CLYBL: variants seen among roughly 807,000 people sequenced by gnomAD.
The protein encoded by CLYBL is citramalyl-CoA lyase.
CLYBL carries 31 observed loss-of-function variants against 38.9 expected under a neutral mutation model. The observed-to-expected ratio is 0.80, with a 90% confidence interval of 0.60 to 1.08. The LOEUF is 1.08. CLYBL is among the 50% of genes least tolerant of loss of function. The probability of loss-of-function intolerance (pLI) is 0.00; values close to 1 mark genes in which losing one functional copy is unlikely to be tolerated. For synonymous variants in CLYBL, 171 were observed against 158.6 expected (o/e 1.08, Z -0.59); for missense variants, 434 against 411.6 (o/e 1.05, Z -0.47).
At chr13:99,891,284 T>G (rs1412725331) in intron 7 of CLYBL, 34 bp from the exon 8 acceptor site, 2 of 1,458,212 alleles carry the variant, frequency 1.4e-6, no homozygotes, top group East Asian at 2.3e-5. Context: ...ATTTCGAGTA[T>G]TCTTTCAGGA....
chr13:99,653,069 T>A (rs2047278650), intron 1 of CLYBL, among the ~76,000 whole-genome samples: 1 of 151,814 alleles, frequency 6.6e-6, no homozygotes, highest in African/African-American at 2.4e-5. Flanking sequence ...CTGAGGAAAA[T>A]CACAGGAGGC....
intron 1 of CLYBL, among the ~76,000 whole-genome samples, chr13:99,725,591 T>C (rs2048459274): frequency 6.6e-6 from 1 of 152,228 alleles, no homozygotes; most frequent in Admixed American, 6.5e-5. Context: ...TGGGAAATGT[T>C]AACTGTTTTG....
chr13:99,608,847 C>CTTTTTT (rs57961216), intron 1 of CLYBL, among the ~76,000 whole-genome samples: 8 of 87,870 alleles, frequency 9.1e-5, no homozygotes, highest in African/African-American at 1.7e-4. Flanking sequence ...AGTGATGAGT[C>CTTTTTT]TTTTTTTTTT....
chr13:99,903,677 G>A (rs578172672), intron 8 of CLYBL, among the ~76,000 whole-genome samples: 13 of 152,122 alleles, frequency 8.5e-5, no homozygotes, highest in Non-Finnish European at 1.6e-4. Context: ...AAATTCGTAA[G>A]ATCTGCCCAA....
chr13:99,606,790 G>T lies in CLYBL; in HGVS notation c.62+33G>T, dbSNP rs1449003190. 1.3e-5 allele frequency: 18 copies of T among 1,362,564 alleles called. No homozygotes were observed. In the East Asian group the frequency reaches 5.3e-4, roughly 40 times the overall value. The allele number at this position is 1,362,564 out of a possible 1,614,324, so 84.4% of individuals were successfully genotyped here. On this transcript the variant is annotated intron_variant, in intron 1 of 8. Transcript: ENST00000339105. Reference sequence around the variant, plus strand: ...CAGGTCCCCGTTCCCCGCCTTCCCGGCCCGGCTCGCCGCGGGTCGGCTCCT... The same window carrying T: ...CAGGTCCCCGTTCCCCGCCTTCCCGTCCCGGCTCGCCGCGGGTCGGCTCCT...
Position 99,686,945 on chromosome 13 carries a change from G to A in CLYBL, c.62+80188G>A, listed in dbSNP as rs185931228. ...TTCCTTTAGAAAGCTTAGTAACCTCGATAATGAGAGGCTATGAAATAGTTC... is the reference window on the plus strand; with the variant it reads ...TTCCTTTAGAAAGCTTAGTAACCTCAATAATGAGAGGCTATGAAATAGTTC... On this transcript the variant is annotated intron_variant, in intron 1 of 8. Coordinates refer to ENST00000339105, the MANE Select transcript of CLYBL (RefSeq NM_206808.5). Among the ~76,000 whole-genome samples the A allele has an allele frequency of 3.6e-4, 55 of 152,300 alleles. No homozygotes were observed. The South Asian group carries it at 0.01, about 28-fold the overall frequency.
chr13:99,843,103 A>G (rs973208526), intron 2 of CLYBL, among the ~76,000 whole-genome samples: 1 of 152,220 alleles, frequency 6.6e-6, no homozygotes, highest in Non-Finnish European at 1.5e-5. Context: ...AGCCATCAGC[A>G]CAGTGAGGAC....
intron 1 of CLYBL, among the ~76,000 whole-genome samples, chr13:99,645,497 C>A (rs371941404): frequency 0.023 from 2,126 of 93,014 alleles, no homozygotes; most frequent in Middle Eastern, 0.049. Context: ...GACTCTGTCT[C>A]AAAAAAAAAA....
At chr13:99,749,254 G>T (rs1486560843) in intron 1 of CLYBL, among the ~76,000 whole-genome samples, 1 of 152,148 alleles carries the variant, frequency 6.6e-6, no homozygotes, top group Non-Finnish European at 1.5e-5. Context: ...CTCGCCCCTG[G>T]TGTCCCGATG....
intron 2 of CLYBL, among the ~76,000 whole-genome samples, chr13:99,843,728 C>T (rs1175375198): frequency 6.6e-6 from 1 of 151,924 alleles, no homozygotes. Context: ...CAGCCTCCCA[C>T]GTAGCTGAGA....
At chr13:99,772,755 T>C (rs2049422739) in intron 1 of CLYBL, 69 bp from the exon 2 acceptor site, 1 of 1,244,402 alleles carries the variant, frequency 8.0e-7, no homozygotes, top group Non-Finnish European at 1.1e-6. Context: ...TGCATTAAAA[T>C]ATAGTTTTTC....
rs139465245 is a variant in CLYBL, at chr13:99,849,846, C to A, written c.250-9015C>A. On this transcript the variant is annotated intron_variant, in intron 2 of 8. Transcript: ENST00000339105. This position sits in a 1 kb window ranked among gnomAD's most constrained non-coding sequence, Gnocchi z 4.9. The stretch of plus-strand genomic sequence containing the variant: ...CCAGTCAGGGCCAGGGCAAGGCAGC[C>A]AAGGAGGCAGACAGAAGTAAGCCCC... Among the ~76,000 whole-genome samples, 9 of 152,266 alleles carry A rather than the reference C, an allele frequency of 5.9e-5. No individual in the cohort carries two copies. Among genetic ancestry groups the A allele is most frequent in the Middle Eastern group, 3.4e-3 (1 of 294 alleles).
rs558719951 is a variant in CLYBL, at chr13:99,865,578, G to C, written c.635-662G>C. ...AGGCACTTTCCCTAGGCAGGGAGTG[G>C]CATGTTCCAAATGTAAACAGGGACA... On this transcript the variant is annotated intron_variant, in intron 5 of 8. Coordinates refer to ENST00000339105, the MANE Select transcript of CLYBL (RefSeq NM_206808.5). The surrounding 1 kb of genome is among the most constrained non-coding windows in gnomAD (Gnocchi z 4.7). 6.6e-6 allele frequency among the ~76,000 whole-genome samples: 1 copy of C among 152,166 alleles called. No individual in the cohort carries two copies. The highest frequency in any genetic ancestry group is 2.4e-5 in the African/African-American group (1 of 41,432).
intron 2 of CLYBL, among the ~76,000 whole-genome samples, chr13:99,818,652 T>G (rs1480056500): frequency 2.0e-5 from 3 of 152,234 alleles, no homozygotes; most frequent in African/African-American, 7.2e-5. Context: ...TCTATAGCTG[T>G]GATGTAGGAT....
intron 2 of CLYBL, among the ~76,000 whole-genome samples, chr13:99,854,420 C>T (rs1810235571): frequency 6.6e-6 from 1 of 150,944 alleles, no homozygotes; most frequent in Non-Finnish European, 1.5e-5. Context: ...TCCTGTCTGT[C>T]TCATCCTATC....
In CLYBL at chr13:99,714,618, AAAATAAAT is replaced by A. The variant is rs923314169; in HGVS notation, c.63-58191_63-58184del. 8.6e-5 allele frequency among the ~76,000 whole-genome samples: 13 copies of A among 151,872 alleles called. No individual in the cohort carries two copies. In the East Asian group the frequency reaches 1.7e-3, roughly 20 times the overall value. ...GGTGACAGAGTGAGACTCCGTCTCAAAAATAAATAAATAAATAAATAATAAAAATAAAA... is the reference window on the plus strand; with the variant it reads ...GGTGACAGAGTGAGACTCCGTCTCAAAAATAAATAAATAATAAAAATAAAA... On this transcript the variant is annotated intron_variant, in intron 1 of 8. Transcript: ENST00000339105.
At chr13:99,634,170 C>T (rs773101352) in intron 1 of CLYBL, among the ~76,000 whole-genome samples, 1 of 152,106 alleles carries the variant, frequency 6.6e-6, no homozygotes, top group Non-Finnish European at 1.5e-5. Flanking sequence ...AACTAACAGC[C>T]GACTGCTTAT....
At chr13:99,718,374 G>GAA (rs80328734) in intron 1 of CLYBL, among the ~76,000 whole-genome samples, 10 of 123,002 alleles carry the variant, frequency 8.1e-5, no homozygotes, top group Non-Finnish European at 9.0e-5. Flanking sequence ...TTAAAAAAAA[G>GAA]AAAAAAAAAA....
chr13:99,643,730 C>T (rs887709956), intron 1 of CLYBL, among the ~76,000 whole-genome samples: 12 of 151,980 alleles, frequency 7.9e-5, no homozygotes, highest in African/African-American at 1.9e-4. Context: ...ACCATAGGCC[C>T]GGCGCAGTGG....
Sources: allele counts gnomAD v4.1 joint callset (sites outside exome capture counted in the v4.1 genomes callset), GRCh38; gene constraint gnomAD v4.1.1; non-coding constraint Gnocchi (gnomAD v3.1); transcripts MANE v1.5; gene names NCBI Gene and HGNC (gene_info 2026-07-23, HGNC 2026-07-21).